Variants in PTPRD observed in about 807,000 individuals in gnomAD.
The protein encoded by PTPRD is receptor-type tyrosine-protein phosphatase delta.
Under a neutral mutation model 214.5 loss-of-function variants are expected in PTPRD, and 34 were observed. That is an observed-to-expected ratio of 0.16 (90% CI 0.12 to 0.21). The LOEUF (loss-of-function observed/expected upper bound fraction) is 0.21. Among genes scored for constraint, PTPRD ranks in the 10% least tolerant of loss-of-function variants. The pLI is 1.00. For synonymous variants in PTPRD, 1,128 were observed against 845.7 expected, an observed-to-expected ratio of 1.33 and a Z score of -5.79; for missense variants, 2,545 against 2,398.7, an observed-to-expected ratio of 1.06 and a Z score of -1.27.
chr9:10,190,244 G>C (rs536844379), intron 3 of PTPRD, among the ~76,000 whole-genome samples: 1 of 151,622 alleles, frequency 6.6e-6, no homozygotes, highest in African/African-American at 2.4e-5. Flanking sequence ...CAGTGGTCCT[G>C]AATCCCAGCT....
At chr9:8,878,505 A>C (rs2098414640) in intron 11 of PTPRD, among the ~76,000 whole-genome samples, 1 of 151,960 alleles carries the variant, frequency 6.6e-6, no homozygotes, top group Non-Finnish European at 1.5e-5. Flanking sequence ...AAGTGCTCTG[A>C]TTCTTCTTTC....
chr9:8,889,090 C>T (rs191013843), intron 11 of PTPRD, among the ~76,000 whole-genome samples: 462 of 152,224 alleles, frequency 3.0e-3, no homozygotes, highest in Non-Finnish European at 4.5e-3. Context: ...GTTTTCCAGG[C>T]AGAAACCCAA....
intron 2 of PTPRD, among the ~76,000 whole-genome samples, chr9:10,452,003 C>T (rs2098844770): frequency 6.6e-6 from 1 of 151,944 alleles, no homozygotes. Flanking sequence ...TTCCTGTTAG[C>T]TTCTGAATTA....
intron 5 of PTPRD, among the ~76,000 whole-genome samples, chr9:9,832,776 G>A (rs982324915): frequency 6.6e-6 from 1 of 151,946 alleles, no homozygotes; most frequent in Admixed American, 6.6e-5. Flanking sequence ...GTGATGATGA[G>A]GCAACTAGCC....
chr9:9,480,444 A>G (rs1205496762), intron 8 of PTPRD, among the ~76,000 whole-genome samples: 1 of 152,168 alleles, frequency 6.6e-6, no homozygotes, highest in Admixed American at 6.5e-5. Flanking sequence ...TCAAAACACA[A>G]TGAAAGCTTA....
intron 11 of PTPRD, among the ~76,000 whole-genome samples, chr9:8,834,719 A>G (rs2097374483): frequency 6.6e-6 from 1 of 152,212 alleles, no homozygotes; most frequent in Non-Finnish European, 1.5e-5. Flanking sequence ...TCAGGAATTT[A>G]AAAAACTGTT....
At chr9:9,964,266 C>A (rs989423604) in intron 4 of PTPRD, among the ~76,000 whole-genome samples, 1 of 152,126 alleles carries the variant, frequency 6.6e-6, no homozygotes, top group Non-Finnish European at 1.5e-5. Flanking sequence ...TTAACCGCTA[C>A]TAGGACAAGA....
chr9:9,567,737 C>T (rs1157495734), intron 8 of PTPRD, among the ~76,000 whole-genome samples: 3 of 151,954 alleles, frequency 2.0e-5, no homozygotes, highest in Non-Finnish European at 2.9e-5. Context: ...CTTCTCTATG[C>T]AGCCTTGAGC....
At chr9:8,436,485 CAT>C in intron 35 of PTPRD, 105 bp downstream of exon 35, 1 of 776,314 alleles carries the variant, frequency 1.3e-6, no homozygotes, top group Non-Finnish European at 2.1e-6. Context: ...ATATTTGAGT[CAT>C]ATTTAAAGGG....
intron 9 of PTPRD, among the ~76,000 whole-genome samples, chr9:9,286,355 G>C (rs1949359717): frequency 6.6e-6 from 1 of 151,800 alleles, no homozygotes; most frequent in Non-Finnish European, 1.5e-5. Context: ...ATACAGCAAA[G>C]ACTAAACCTC....
chr9:9,162,669 A>T (rs1445208), intron 10 of PTPRD, among the ~76,000 whole-genome samples: 44,258 of 151,892 alleles, frequency 0.29, 7,624 homozygotes, highest in Non-Finnish European at 0.39. Flanking sequence ...ATGGTTTTTC[A>T]GCATTAAAAA....
intron 2 of PTPRD, among the ~76,000 whole-genome samples, chr9:10,578,953 T>A (rs759449802): frequency 3.3e-5 from 5 of 152,122 alleles, no homozygotes; most frequent in Non-Finnish European, 7.4e-5. Flanking sequence ...ATGTGCAGAA[T>A]GTGCAGGTTT....
At chr9:9,140,436 T>C (rs1411724576) in intron 10 of PTPRD, among the ~76,000 whole-genome samples, 2 of 152,154 alleles carry the variant, frequency 1.3e-5, no homozygotes, top group African/African-American at 4.8e-5. Context: ...AGGACAGATA[T>C]AACCTTTGAA....
intron 8 of PTPRD, among the ~76,000 whole-genome samples, chr9:9,450,958 C>CACAG (rs2091988283): frequency 6.7e-6 from 1 of 149,884 alleles, no homozygotes; most frequent in South Asian, 2.1e-4. Flanking sequence ...CATACACACA[C>CACAG]ACACACACAC....
At chr9:9,947,966 C>T (rs1052515524) in intron 4 of PTPRD, among the ~76,000 whole-genome samples, 1 of 151,628 alleles carries the variant, frequency 6.6e-6, no homozygotes, top group Non-Finnish European at 1.5e-5. Flanking sequence ...CTACGAGTTT[C>T]CTTGTTGCAG....
chr9:8,483,776 C>T (rs2096939599), intron 30 of PTPRD, among the ~76,000 whole-genome samples: 1 of 140,614 alleles, frequency 7.1e-6, no homozygotes, highest in African/African-American at 2.8e-5. Context: ...GAGACTCCGT[C>T]TCAAAACAAA....
At chr9:10,044,934 A>G (rs2097362362) in intron 3 of PTPRD, among the ~76,000 whole-genome samples, 1 of 151,728 alleles carries the variant, frequency 6.6e-6, no homozygotes. Flanking sequence ...AGTCATTTCA[A>G]TGAGAGTCAA....
At chr9:9,802,693 G>C (rs997411138) in intron 5 of PTPRD, among the ~76,000 whole-genome samples, 4 of 151,558 alleles carry the variant, frequency 2.6e-5, no homozygotes, top group African/African-American at 9.7e-5. Context: ...TCCAGAATAG[G>C]ACCTAGCTTA....
At position 8,528,794 on chromosome 9, in the gene PTPRD, G is replaced by A. The variant is rs773548427; in HGVS notation, c.353-15C>T. 2.6e-5 allele frequency: 42 copies of A among 1,611,674 alleles called. No individual in the cohort carries two copies. Among genetic ancestry groups the A allele is most frequent in the Non-Finnish European group, 3.5e-5 (41 of 1,178,456 alleles). ...AATTTGATCTTCTGCAAGACAAAAG[G>A]TGATAGAAACATTCAGTTAATAAGT... On this transcript the variant is annotated splice_polypyrimidine_tract_variant and intron_variant, in intron 14 of 45. Coordinates refer to ENST00000381196, the MANE Select transcript of PTPRD (RefSeq NM_002839.4).
Sources: gnomAD v4.1 joint callset for allele counts (sites outside exome capture counted in the v4.1 genomes callset) on GRCh38, gnomAD v4.1.1 for gene constraint, MANE v1.5 for transcripts, NCBI Gene and HGNC (gene_info 2026-07-23, HGNC 2026-07-21) for gene names.